The following TAFA2 variants were observed in gnomAD, a reference collection of about 807,000 sequenced individuals.
The protein encoded by TAFA2 is chemokine-like protein TAFA-2.
Under a neutral mutation model 18.8 loss-of-function variants are expected in TAFA2, and 7 were observed. That is an observed-to-expected ratio of 0.37 (90% CI 0.21 to 0.70). TAFA2 has a LOEUF of 0.70. Among genes scored for constraint, TAFA2 ranks in the 30% least tolerant of loss-of-function variants. The pLI is 0.53. For synonymous variants in TAFA2, 60 were observed against 54.2 expected (o/e 1.11, Z -0.47); for missense variants, 122 against 158.1 (o/e 0.77, Z 1.23).
chr12:62,059,157 G>GTGTGTGTGTGTA (rs1555186760), intron 1 of TAFA2, among the ~76,000 whole-genome samples: 2 of 150,488 alleles, frequency 1.3e-5, no homozygotes, highest in African/African-American at 4.9e-5. Context: ...GTGTGTGTGT[G>GTGTGTGTGTGTA]TGTGTGTGTG....
chr12:62,031,587 C>CT (rs1240059156), intron 1 of TAFA2, among the ~76,000 whole-genome samples: 1 of 152,090 alleles, frequency 6.6e-6, no homozygotes, highest in Admixed American at 6.6e-5. Flanking sequence ...GCTGAGTTGT[C>CT]TGTTTTAGGG....
At chr12:61,761,195 T>C (rs549130761) in intron 2 of TAFA2, among the ~76,000 whole-genome samples, 8 of 152,160 alleles carry the variant, frequency 5.3e-5, no homozygotes, top group East Asian at 3.9e-4. Context: ...CGAAGTCCCA[T>C]AGGCATTTTA....
At chr12:61,719,729 C>G (rs1385445055) in intron 4 of TAFA2, among the ~76,000 whole-genome samples, 1 of 152,094 alleles carries the variant, frequency 6.6e-6, no homozygotes, top group Admixed American at 6.6e-5. Flanking sequence ...CAAGAAGAAC[C>G]CTTAGGGCGG....
intron 1 of TAFA2, among the ~76,000 whole-genome samples, chr12:62,168,758 G>A (rs1010185611): frequency 5.3e-5 from 8 of 152,080 alleles, no homozygotes; most frequent in African/African-American, 1.7e-4. Context: ...GATCACTTGA[G>A]CACAGGAGGT....
intron 2 of TAFA2, 98 bp from the exon 3 acceptor site, chr12:61,755,122 A>G: frequency 9.0e-7 from 1 of 1,106,976 alleles, no homozygotes; most frequent in Non-Finnish European, 1.3e-6. Context: ...TAGCTCTATA[A>G]GGGGTCCACC....
intron 1 of TAFA2, among the ~76,000 whole-genome samples, chr12:62,223,642 A>T (rs2062773490): frequency 6.6e-6 from 1 of 152,238 alleles, no homozygotes; most frequent in Non-Finnish European, 1.5e-5. Context: ...TGTGATTAAG[A>T]CCTAAATGTA....
At chr12:62,047,319 T>G (rs952094757) in intron 1 of TAFA2, among the ~76,000 whole-genome samples, 1 of 152,136 alleles carries the variant, frequency 6.6e-6, no homozygotes, top group Admixed American at 6.6e-5. Flanking sequence ...ATTTGGCAAG[T>G]GACAACCTCT....
chr12:62,092,586 C>A (rs1026627901), intron 1 of TAFA2, among the ~76,000 whole-genome samples: 1 of 152,036 alleles, frequency 6.6e-6, no homozygotes. Flanking sequence ...TTCCTTTCTA[C>A]TCCTTCTTAG....
chr12:62,079,442 C>T, intron 1 of TAFA2, among the ~76,000 whole-genome samples: 1 of 149,388 alleles, frequency 6.7e-6, no homozygotes, highest in Admixed American at 6.7e-5. Context: ...TGCCTGAGGT[C>T]AGGAGTTTGA....
chr12:61,857,159 A>C (rs1873918203), intron 2 of TAFA2, among the ~76,000 whole-genome samples: 1 of 151,042 alleles, frequency 6.6e-6, no homozygotes, highest in Non-Finnish European at 1.5e-5. Flanking sequence ...ATAACTGAAA[A>C]TATACAAATG....
intron 1 of TAFA2, among the ~76,000 whole-genome samples, chr12:61,912,774 G>A (rs745886692): frequency 9.9e-5 from 15 of 152,264 alleles, no homozygotes; most frequent in South Asian, 2.1e-4. Flanking sequence ...GTGAACAACT[G>A]TGATAAAACA....
At chr12:61,854,711 T>A (rs1429081372) in intron 2 of TAFA2, among the ~76,000 whole-genome samples, 1 of 152,000 alleles carries the variant, frequency 6.6e-6, no homozygotes, top group Non-Finnish European at 1.5e-5. Flanking sequence ...AGGTAATTAT[T>A]CCCTCCATAG....
chr12:61,941,881 C>T (rs1054968523), intron 1 of TAFA2, among the ~76,000 whole-genome samples: 8 of 152,132 alleles, frequency 5.3e-5, no homozygotes, highest in Non-Finnish European at 8.8e-5. Context: ...GGGGGAGGGG[C>T]GCCCGCCATT....
chr12:61,877,999 A>G (rs1874941214), intron 1 of TAFA2: 4 of 450,560 alleles, frequency 8.9e-6, no homozygotes, highest in South Asian at 1.6e-5. Flanking sequence ...AAAAGAAATT[A>G]CAACATAGAT....
At chr12:62,217,439 G>A (rs998835563) in intron 1 of TAFA2, among the ~76,000 whole-genome samples, 1 of 152,216 alleles carries the variant, frequency 6.6e-6, no homozygotes, top group Non-Finnish European at 1.5e-5. Context: ...TAGACAGAGA[G>A]AAAAGACAAA....
At chr12:61,853,850 G>T (rs1456955876) in intron 2 of TAFA2, among the ~76,000 whole-genome samples, 2 of 152,144 alleles carry the variant, frequency 1.3e-5, no homozygotes, top group East Asian at 1.9e-4. Context: ...GAAAACAAGA[G>T]AACTGAATAA....
chr12:61,805,801 T>C (rs1217733916), intron 2 of TAFA2, among the ~76,000 whole-genome samples: 1 of 152,226 alleles, frequency 6.6e-6, no homozygotes, highest in African/African-American at 2.4e-5. Flanking sequence ...AATATGATGA[T>C]ATTCTATTCC....
At chr12:62,230,403 T>C (rs1196429979) in intron 1 of TAFA2, among the ~76,000 whole-genome samples, 1 of 152,230 alleles carries the variant, frequency 6.6e-6, no homozygotes. Flanking sequence ...ATTGGGTATG[T>C]TGTGTTTTCA....
At chr12:62,084,281 C>A (rs58285829) in intron 1 of TAFA2, among the ~76,000 whole-genome samples, 11 of 152,140 alleles carry the variant, frequency 7.2e-5, no homozygotes, top group Non-Finnish European at 1.3e-4. Flanking sequence ...AAATACCTAA[C>A]AACTTATCTA....
Sources: allele counts gnomAD v4.1 joint callset (sites outside exome capture counted in the v4.1 genomes callset), GRCh38; gene constraint gnomAD v4.1.1; transcripts MANE v1.5; gene names NCBI Gene and HGNC (gene_info 2026-07-23, HGNC 2026-07-21).